The following TMTC2 variants were observed in gnomAD, a reference collection of about 807,000 sequenced individuals.
TMTC2 encodes the protein protein O-mannosyl-transferase TMTC2.
TMTC2 carries 43 observed loss-of-function variants against 82.4 expected under a neutral mutation model. The ratio of observed to expected loss-of-function variants is 0.52; its 90% CI spans 0.41 to 0.67. TMTC2 has a LOEUF of 0.67. Ranked by LOEUF, TMTC2 falls within the 30% of genes least tolerant of loss-of-function variation. The pLI, the probability that TMTC2 is intolerant of heterozygous loss-of-function variation, is 0.00. For synonymous variants in TMTC2, 408 were observed against 381.9 expected (o/e 1.07, Z -0.80); for missense variants, 919 against 1,012.4 (o/e 0.91, Z 1.25).
intron 1 of TMTC2, among the ~76,000 whole-genome samples, chr12:82,769,656 G>A (rs767479932): frequency 6.6e-6 from 1 of 152,128 alleles, no homozygotes; most frequent in Non-Finnish European, 1.5e-5. Flanking sequence ...TGTCGCCCAG[G>A]CTGGAGTGCA....
chr12:83,006,720 T>C (rs1880221107), intron 8 of TMTC2, among the ~76,000 whole-genome samples: 1 of 152,122 alleles, frequency 6.6e-6, no homozygotes, highest in Admixed American at 6.5e-5. Flanking sequence ...CCATCAATGA[T>C]AGACTGGATT....
chr12:82,799,758 A>G (rs1032876564), intron 1 of TMTC2, among the ~76,000 whole-genome samples: 3 of 152,122 alleles, frequency 2.0e-5, no homozygotes, highest in African/African-American at 7.2e-5. Flanking sequence ...GGACACCTCA[A>G]CATATCTTTT....
At chr12:82,757,024 A>G (rs1001442062) in intron 1 of TMTC2, among the ~76,000 whole-genome samples, 2 of 152,206 alleles carry the variant, frequency 1.3e-5, no homozygotes, top group African/African-American at 4.8e-5. Flanking sequence ...AGGGATAAAA[A>G]GACAACACGT....
intron 11 of TMTC2, among the ~76,000 whole-genome samples, chr12:83,097,857 T>A (rs1271289169): frequency 1.3e-5 from 2 of 152,116 alleles, no homozygotes; most frequent in Non-Finnish European, 2.9e-5. Context: ...GAAAGAAGCC[T>A]GGAGCAGACA....
intron 1 of TMTC2, among the ~76,000 whole-genome samples, chr12:82,765,702 C>CAAAACA (rs201440817): frequency 2.5e-4 from 34 of 138,724 alleles, no homozygotes; most frequent in African/African-American, 4.2e-4. Flanking sequence ...CAAAACAAAA[C>CAAAACA]AAACAAACAA....
chr12:82,773,694 T>A (rs1158439029), intron 1 of TMTC2, among the ~76,000 whole-genome samples: 2 of 151,966 alleles, frequency 1.3e-5, no homozygotes, highest in African/African-American at 4.8e-5. Context: ...CTCCTGACCT[T>A]GTGATCCACC....
chr12:82,860,479 A>G (rs1871486654), intron 2 of TMTC2, among the ~76,000 whole-genome samples: 1 of 152,222 alleles, frequency 6.6e-6, no homozygotes, highest in Non-Finnish European at 1.5e-5. Context: ...TTGACTGCCC[A>G]GTAGAAAGGA....
intron 1 of TMTC2, among the ~76,000 whole-genome samples, chr12:82,713,123 C>T (rs1873712396): frequency 1.3e-5 from 2 of 151,962 alleles, no homozygotes; most frequent in Non-Finnish European, 2.9e-5. Context: ...GGTTCGAGAC[C>T]AGCGTGACCA....
At chr12:82,903,993 G>A (rs1874166040) in intron 3 of TMTC2, among the ~76,000 whole-genome samples, 1 of 152,162 alleles carries the variant, frequency 6.6e-6, no homozygotes, top group Non-Finnish European at 1.5e-5. Flanking sequence ...GCATCTGTGT[G>A]TGACATATGC....
chr12:83,033,144 G>A (rs780686422), intron 9 of TMTC2, among the ~76,000 whole-genome samples: 122 of 152,264 alleles, frequency 8.0e-4, no homozygotes, highest in Non-Finnish European at 1.1e-3. Flanking sequence ...GTTCCAAAAA[G>A]GAGTAGTAGT....
At chr12:82,833,392 A>G (rs764943900) in intron 1 of TMTC2, among the ~76,000 whole-genome samples, 2 of 152,246 alleles carry the variant, frequency 1.3e-5, no homozygotes, top group Admixed American at 6.5e-5. Flanking sequence ...AGAAGTATCA[A>G]CTAAAACTAA....
intron 1 of TMTC2, among the ~76,000 whole-genome samples, chr12:82,798,842 G>A (rs1878859608): frequency 6.7e-6 from 1 of 149,452 alleles, no homozygotes; most frequent in Non-Finnish European, 1.5e-5. Flanking sequence ...AGACTTGCTA[G>A]TTAGAGAAGT....
chr12:82,897,294 C>T (rs1565798864), intron 3 of TMTC2, among the ~76,000 whole-genome samples: 1 of 152,078 alleles, frequency 6.6e-6, no homozygotes, highest in African/African-American at 2.4e-5. Context: ...TTGATTATAC[C>T]ATTCATGATT....
chr12:82,765,469 G>A (rs1331934306), intron 1 of TMTC2, among the ~76,000 whole-genome samples: 2 of 152,086 alleles, frequency 1.3e-5, no homozygotes, highest in Non-Finnish European at 2.9e-5. Flanking sequence ...GAGGTTGGGA[G>A]TTTGAGACCA....
intron 3 of TMTC2, among the ~76,000 whole-genome samples, chr12:82,904,852 T>C (rs1277080572): frequency 6.6e-6 from 1 of 152,200 alleles, no homozygotes; most frequent in African/African-American, 2.4e-5. Flanking sequence ...TTGGCACCAT[T>C]GATCTCTGTT....
intron 11 of TMTC2, among the ~76,000 whole-genome samples, chr12:83,079,951 T>C (rs1354893301): frequency 2.0e-5 from 3 of 152,174 alleles, no homozygotes; most frequent in Non-Finnish European, 2.9e-5. Flanking sequence ...CCTTAGGCCT[T>C]GAGGATGGAA....
chr12:83,082,324 C>T (rs1170828428), intron 11 of TMTC2, among the ~76,000 whole-genome samples: 2 of 152,120 alleles, frequency 1.3e-5, no homozygotes, highest in Admixed American at 1.3e-4. Flanking sequence ...AGAATTCTGC[C>T]AGATGGGTAT....
At chr12:83,026,772 A>G (rs954917308) in intron 8 of TMTC2, among the ~76,000 whole-genome samples, 2 of 149,408 alleles carry the variant, frequency 1.3e-5, no homozygotes, top group Non-Finnish European at 1.5e-5. Context: ...ATATTTGTGT[A>G]TTTTGTGGTT....
chr12:82,730,236 A>G (rs559608942), intron 1 of TMTC2, among the ~76,000 whole-genome samples: 5 of 149,520 alleles, frequency 3.3e-5, no homozygotes, highest in South Asian at 4.3e-4. Flanking sequence ...CAGAGGTTGC[A>G]GTAAGCCAAG....
Sources: gnomAD v4.1 joint callset for allele counts (sites outside exome capture counted in the v4.1 genomes callset) on GRCh38, gnomAD v4.1.1 for gene constraint, MANE v1.5 for transcripts, NCBI Gene and HGNC (gene_info 2026-07-23, HGNC 2026-07-21) for gene names.